RAB38: variants seen among roughly 807,000 people sequenced by gnomAD.
RAB38 encodes ras-related protein Rab-38.
RAB38 carries 15 observed loss-of-function variants against 18.4 expected under a neutral mutation model. The ratio of observed to expected loss-of-function variants is 0.82; its 90% confidence interval spans 0.55 to 1.26. The LOEUF (loss-of-function observed/expected upper bound fraction) is 1.26, where lower values mean the gene tolerates loss of function less well. RAB38 is among the 50% of genes most tolerant of loss of function. The pLI is 0.00. For synonymous variants in RAB38, 101 were observed against 104.4 expected (o/e 0.97, Z 0.20); for missense variants, 294 against 267.4 (o/e 1.10, Z -0.69).
the RAB38 span, among the ~76,000 whole-genome samples, chr11:87,908,085 A>T: frequency 5.3e-5 from 8 of 151,968 alleles, no homozygotes; most frequent in Non-Finnish European, 1.0e-4. Context: ...AGTCTCGGTC[A>T]TAAGACTTAA....
rs373805516 is a variant in RAB38, at chr11:88,129,644, A to AAAAC, written c.484-15508_484-15505dup. Among the ~76,000 whole-genome samples, 287 of 152,156 alleles carry AAAAC rather than the reference A, an allele frequency of 1.9e-3. 1 individual carries two copies. The highest frequency in any genetic ancestry group is 4.2e-3 in the African/African-American group (174 of 41,534). Reference sequence around the variant, plus strand: ...GGGCGACAAAGTGAGACTCCATCTCAAAACAAACAAACAAACAAACAAACA... The same window carrying AAAAC: ...GGGCGACAAAGTGAGACTCCATCTCAAAACAAACAAACAAACAAACAAACAAACA... On this transcript the variant is annotated intron_variant, in intron 2 of 2. Coordinates refer to ENST00000243662, the MANE Select transcript of RAB38 (RefSeq NM_022337.3).
the RAB38 span, among the ~76,000 whole-genome samples, chr11:88,040,054 A>C: frequency 6.6e-6 from 1 of 152,352 alleles, no homozygotes; most frequent in South Asian, 2.1e-4. Context: ...TTTGAACTGA[A>C]TAATTCCCAG....
chr11:88,046,878 C>T, the RAB38 span, among the ~76,000 whole-genome samples: 1 of 152,180 alleles, frequency 6.6e-6, no homozygotes, highest in African/African-American at 2.4e-5. Flanking sequence ...AGACTGCCCT[C>T]ACCCTAGCTC....
At chr11:87,872,916 C>T in the RAB38 span, among the ~76,000 whole-genome samples, 6 of 151,572 alleles carry the variant, frequency 4.0e-5, no homozygotes, top group East Asian at 1.2e-3. Flanking sequence ...CTGCTATAAA[C>T]ATTTATGTGT....
At chr11:87,863,975 A>G in the RAB38 span, among the ~76,000 whole-genome samples, 4 of 151,670 alleles carry the variant, frequency 2.6e-5, no homozygotes, top group African/African-American at 9.7e-5. Flanking sequence ...TCTACTACCA[A>G]GGCTGAGCAG....
the RAB38 span, among the ~76,000 whole-genome samples, chr11:87,956,985 G>A: frequency 6.6e-6 from 1 of 150,934 alleles, no homozygotes; most frequent in Non-Finnish European, 1.5e-5. Context: ...CAGTTTTTTG[G>A]GGGGGGGTCC....
At chr11:88,071,525 A>G in the RAB38 span, among the ~76,000 whole-genome samples, 2 of 152,150 alleles carry the variant, frequency 1.3e-5, no homozygotes, top group African/African-American at 4.8e-5. Context: ...ACCCTCTGCC[A>G]CCTAAGACAC....
the RAB38 span, among the ~76,000 whole-genome samples, chr11:87,977,948 A>T: frequency 8.8e-6 from 1 of 113,340 alleles, no homozygotes; most frequent in African/African-American, 3.6e-5. Context: ...TAATATATTA[A>T]TATAATATAT....
the RAB38 span, among the ~76,000 whole-genome samples, chr11:88,087,028 C>A: frequency 1.3e-5 from 2 of 151,980 alleles, no homozygotes; most frequent in South Asian, 4.1e-4. Flanking sequence ...ATGCAACTTT[C>A]AATACAACTA....
At chr11:88,091,474 C>G in the RAB38 span, among the ~76,000 whole-genome samples, 1 of 152,000 alleles carries the variant, frequency 6.6e-6, no homozygotes, top group East Asian at 1.9e-4. Flanking sequence ...TTCTCACCAT[C>G]TCTCACCAAT....
At chr11:87,826,031 T>C in the RAB38 span, among the ~76,000 whole-genome samples, 1 of 152,052 alleles carries the variant, frequency 6.6e-6, no homozygotes, top group African/African-American at 2.4e-5. Context: ...ATTGGGAAAT[T>C]GGGTAGTAGT....
the RAB38 span, among the ~76,000 whole-genome samples, chr11:88,084,787 G>A: frequency 6.6e-6 from 1 of 151,592 alleles, no homozygotes; most frequent in Non-Finnish European, 1.5e-5. Flanking sequence ...GTTTCTTGGG[G>A]GTGAGACCAC....
intron 1 of RAB38, among the ~76,000 whole-genome samples, chr11:88,159,234 T>TAAATAAAA (rs1429776111): frequency 1.2e-4 from 16 of 138,998 alleles, no homozygotes; most frequent in Admixed American, 2.9e-4. Flanking sequence ...AATAAATAAA[T>TAAATAAAA]AAAAATAAAA....
chr11:87,920,955 C>T, the RAB38 span, among the ~76,000 whole-genome samples: 15 of 152,034 alleles, frequency 9.9e-5, no homozygotes, highest in African/African-American at 3.1e-4. Context: ...TTTACTGGCT[C>T]GCAGTTCTGG....
At chr11:88,101,137 A>T in the RAB38 span, among the ~76,000 whole-genome samples, 3 of 151,956 alleles carry the variant, frequency 2.0e-5, no homozygotes, top group Non-Finnish European at 4.4e-5. Flanking sequence ...CTGGGTATCC[A>T]CAATGGTTAC....
the RAB38 span, among the ~76,000 whole-genome samples, chr11:88,045,072 T>G: frequency 3.3e-5 from 5 of 152,198 alleles, no homozygotes; most frequent in Non-Finnish European, 4.4e-5. Flanking sequence ...ATTTAGGCTC[T>G]TTTTCATCGA....
At chr11:87,857,369 A>G in the RAB38 span, among the ~76,000 whole-genome samples, 9 of 151,984 alleles carry the variant, frequency 5.9e-5, no homozygotes, top group Admixed American at 1.3e-4. Flanking sequence ...AATCCTTTGG[A>G]TATATACCCA....
the RAB38 span, among the ~76,000 whole-genome samples, chr11:88,043,638 G>T: frequency 2.1e-5 from 2 of 94,632 alleles, no homozygotes; most frequent in Admixed American, 1.6e-4. Flanking sequence ...AACCCCCTTT[G>T]ACTGTAATTT....
At chr11:87,955,397 T>C in the RAB38 span, among the ~76,000 whole-genome samples, 4 of 152,146 alleles carry the variant, frequency 2.6e-5, no homozygotes, top group Admixed American at 6.5e-5. Context: ...GAAAAACTGT[T>C]AGGTACCATG....
Sources: allele counts gnomAD v4.1 joint callset (sites outside exome capture counted in the v4.1 genomes callset), GRCh38; gene constraint gnomAD v4.1.1; transcripts MANE v1.5; gene names NCBI Gene and HGNC (gene_info 2026-07-23, HGNC 2026-07-21).